Variants in PVT1 observed in about 807,000 individuals in gnomAD.
PVT1 encodes Pvt1 oncogene.
At chr8:127,804,876 T>C (rs914376586) in intron 2 of PVT1, among the ~76,000 whole-genome samples, 2 of 151,292 alleles carry the variant, frequency 1.3e-5, no homozygotes, top group African/African-American at 2.4e-5. Flanking sequence ...TTTTTCTTAG[T>C]TGCTATTAGG....
intron 3 of PVT1, among the ~76,000 whole-genome samples, chr8:127,959,691 G>C (rs1816615855): frequency 6.6e-6 from 1 of 151,942 alleles, no homozygotes; most frequent in Admixed American, 6.6e-5. Context: ...ATCTTTAATG[G>C]GCCAGAGGCT....
intron 2 of PVT1, among the ~76,000 whole-genome samples, chr8:127,840,280 C>T (rs1010516013): frequency 8.5e-5 from 13 of 152,224 alleles, no homozygotes; most frequent in African/African-American, 2.9e-4. Context: ...CTCTCCCTTT[C>T]TCAGGATGAG....
At chr8:127,945,558 G>A (rs1240487207) in intron 3 of PVT1, among the ~76,000 whole-genome samples, 1 of 152,190 alleles carries the variant, frequency 6.6e-6, no homozygotes, top group African/African-American at 2.4e-5. Flanking sequence ...CCATGCTGAA[G>A]GCCCTCCAAA....
chr8:127,881,216 G>T (rs1013517149), intron 2 of PVT1, among the ~76,000 whole-genome samples: 1 of 152,034 alleles, frequency 6.6e-6, no homozygotes, highest in Non-Finnish European at 1.5e-5. Context: ...AGTCTGACTC[G>T]TGGGAGTAAC....
intron 3 of PVT1, among the ~76,000 whole-genome samples, chr8:127,945,523 G>T (rs540542798): frequency 5.5e-4 from 83 of 152,276 alleles, no homozygotes; most frequent in African/African-American, 2.0e-3. Context: ...TTGCCAGGGG[G>T]ATGAGCAGCC....
intron 5 of PVT1, among the ~76,000 whole-genome samples, chr8:128,083,207 C>T (rs957109408): frequency 4.6e-5 from 7 of 152,186 alleles, no homozygotes; most frequent in African/African-American, 1.7e-4. Context: ...AATAGTGATA[C>T]TGAATTCATA....
intron 5 of PVT1, among the ~76,000 whole-genome samples, chr8:128,071,237 G>A (rs1470521715): frequency 6.6e-6 from 1 of 152,190 alleles, no homozygotes; most frequent in African/African-American, 2.4e-5. Context: ...CAAAGTTCCT[G>A]CCCTGCACCA....
intron 3 of PVT1, among the ~76,000 whole-genome samples, chr8:127,970,285 A>ATTCGT (rs1816748254): frequency 1.1e-4 from 3 of 26,816 alleles, no homozygotes. Flanking sequence ...ATCTGCCATG[A>ATTCGT]TTTGTTTTTT....
At chr8:128,002,394 C>T (rs1421752862) in intron 4 of PVT1, among the ~76,000 whole-genome samples, 1 of 152,208 alleles carries the variant, frequency 6.6e-6, no homozygotes, top group Non-Finnish European at 1.5e-5. Flanking sequence ...GCAGATTGGT[C>T]AGGGTGTGTA....
chr8:127,956,939 T>C (rs760389244), intron 3 of PVT1, among the ~76,000 whole-genome samples: 5 of 152,246 alleles, frequency 3.3e-5, no homozygotes, highest in Non-Finnish European at 5.9e-5. Context: ...CTCATTATTA[T>C]GGTAGGCACT....
intron 5 of PVT1, among the ~76,000 whole-genome samples, chr8:128,074,826 C>T (rs1814063612): frequency 6.6e-6 from 1 of 152,328 alleles, no homozygotes; most frequent in East Asian, 1.9e-4. Context: ...GTGCAACCAT[C>T]TTCCTCTCAC....
intron 2 of PVT1, among the ~76,000 whole-genome samples, chr8:127,856,387 T>C (rs1815160612): frequency 6.6e-6 from 1 of 151,428 alleles, no homozygotes; most frequent in South Asian, 2.1e-4. Context: ...GGAGTCTTGC[T>C]CTGGAGTGCA....
chr8:127,924,511 T>A (rs868561087), intron 3 of PVT1, among the ~76,000 whole-genome samples: 2 of 72,138 alleles, frequency 2.8e-5, no homozygotes, highest in Non-Finnish European at 3.6e-5. Context: ...CTTTTGTATT[T>A]TTTTTTTTTT....
intron 3 of PVT1, among the ~76,000 whole-genome samples, chr8:127,987,268 C>G (rs1175238982): frequency 6.6e-6 from 1 of 152,200 alleles, no homozygotes; most frequent in African/African-American, 2.4e-5. Context: ...GTCAGCGCAC[C>G]TGGCAGACGG....
intron 2 of PVT1, among the ~76,000 whole-genome samples, chr8:127,889,597 A>G (rs1020433443): frequency 1.3e-5 from 2 of 152,180 alleles, no homozygotes; most frequent in Non-Finnish European, 2.9e-5. Context: ...ATACATGCAG[A>G]AAGCCTGGAA....
At chr8:127,960,854 T>G (rs1388448055) in intron 3 of PVT1, among the ~76,000 whole-genome samples, 1 of 150,436 alleles carries the variant, frequency 6.6e-6, no homozygotes, top group African/African-American at 2.4e-5. Flanking sequence ...CCAGGCATGG[T>G]GCTGCATGCA....
intron 2 of PVT1, among the ~76,000 whole-genome samples, chr8:127,870,316 C>CA (rs1046939600): frequency 6.6e-6 from 1 of 152,130 alleles, no homozygotes; most frequent in Admixed American, 6.5e-5. Flanking sequence ...TGCAGGAAGC[C>CA]ACCAGATGCC....
At chr8:128,073,699 C>T (rs1244101620) in intron 5 of PVT1, among the ~76,000 whole-genome samples, 3 of 152,128 alleles carry the variant, frequency 2.0e-5, no homozygotes, top group Admixed American at 6.6e-5. Flanking sequence ...GCCCTCCTCA[C>T]ACAGGCAGTT....
At chr8:128,044,524 C>G (rs2130094641) in intron 4 of PVT1, among the ~76,000 whole-genome samples, 1 of 152,312 alleles carries the variant, frequency 6.6e-6, no homozygotes, top group East Asian at 1.9e-4. Flanking sequence ...AAATCTGGGC[C>G]CAGAGCCCAT....
Sources: gnomAD v4.1 joint callset for allele counts (sites outside exome capture counted in the v4.1 genomes callset) on GRCh38, gnomAD v4.1.1 for gene constraint, MANE v1.5 for transcripts, NCBI Gene and HGNC (gene_info 2026-07-23, HGNC 2026-07-21) for gene names.